TLE1: variants seen among roughly 807,000 people sequenced by gnomAD.
TLE1 encodes TLE family member 1, transcriptional corepressor.
TLE1 carries 21 observed loss-of-function variants against 89.8 expected under a neutral mutation model. That is an observed-to-expected ratio of 0.23 (90% confidence interval 0.17 to 0.34). The LOEUF is 0.34. Ranked by LOEUF, TLE1 falls within the 10% of genes least tolerant of loss-of-function variation. The pLI, the probability that TLE1 is intolerant of heterozygous loss-of-function variation, is 1.00. For missense variants in TLE1, 795 were observed against 1,031.2 expected (o/e 0.77, Z 3.14); for synonymous variants, 447 against 407.6 (o/e 1.10, Z -1.16).
At chr9:81,662,043 A>G (rs938034604) in intron 4 of TLE1, among the ~76,000 whole-genome samples, 1 of 152,216 alleles carries the variant, frequency 6.6e-6, no homozygotes, top group Non-Finnish European at 1.5e-5. Flanking sequence ...TCCTAAGGAA[A>G]TAGTTCAAAT....
Position 81,583,926 on chromosome 9 carries a change from C to A in TLE1, c.*272G>T. The A allele has an allele frequency of 2.4e-6, 1 of 414,810 alleles. No homozygotes were observed. The highest frequency in any genetic ancestry group is 4.4e-6 in the Non-Finnish European group (1 of 226,224). The allele number at this position is 414,810 out of a possible 1,614,324, so 25.7% of individuals were successfully genotyped here. A position where few individuals can be genotyped will look rare whatever the true frequency, so the allele number is the denominator to read the frequency against. ...CACCCAGAAAGAAAGAATGGGCTGT[C>A]ATGTGAGTCGGCAGATTCCGTTCCT... On this transcript the variant is annotated 3_prime_UTR_variant, in exon 20 of 20. Transcript: ENST00000376499.
intron 3 of TLE1, 22 bp from the exon 4 acceptor site, chr9:81,685,742 A>C: frequency 6.2e-7 from 1 of 1,612,630 alleles, no homozygotes; most frequent in South Asian, 1.1e-5. Flanking sequence ...AAAAAGAATC[A>C]AGCATTTCAT....
rs765729050 is a variant in TLE1, at chr9:81,591,009, C to A, written c.1625G>T (p.Gly542Val). Residue 542 changes from glycine (G) to valine (V), a missense_variant, in exon 16 of 20, where the codon GGC becomes GTC. Physicochemically the swap from Gly to Val is moderately radical, Grantham distance 109. Coordinates refer to ENST00000376499, the MANE Select transcript of TLE1 (RefSeq NM_005077.5). Reference protein sequence around the residue: ...YIRSCKLLPDGCTLIVGGEAS... With the variant: ...YIRSCKLLPDVCTLIVGGEAS... ...TTCCCCTCCCACTATGAGAGTGCAG[C>A]CATCGGGTAGCAATTTACAGGAACG... The A allele has an allele frequency of 1.9e-6, 3 of 1,614,214 alleles. No homozygotes were observed. The highest frequency in any genetic ancestry group is 2.5e-6 in the Non-Finnish European group (3 of 1,180,042).
intron 4 of TLE1, among the ~76,000 whole-genome samples, chr9:81,679,102 T>G (rs912320902): frequency 6.6e-6 from 1 of 152,156 alleles, no homozygotes; most frequent in African/African-American, 2.4e-5. Context: ...GAACCAAGAT[T>G]GCGCTACTAT....
chr9:81,594,783 C>G (rs1403110893), intron 14 of TLE1, among the ~76,000 whole-genome samples: 1 of 152,118 alleles, frequency 6.6e-6, no homozygotes, highest in Non-Finnish European at 1.5e-5. Flanking sequence ...CATTTTAATA[C>G]AAACTCAAAT....
Position 81,633,280 on chromosome 9 carries a change from A to C in TLE1, c.594+68T>G, listed in dbSNP as rs1826911139. The C allele has an allele frequency of 5.0e-6, 8 of 1,591,514 alleles. No individual in the cohort carries two copies. In the South Asian group the frequency reaches 9.0e-5, roughly 18 times the overall value. On this transcript the variant is annotated intron_variant, in intron 8 of 19. Coordinates refer to ENST00000376499, the MANE Select transcript of TLE1 (RefSeq NM_005077.5). ...TGCCTGTGTGGAGAAGTGTTGTCAG[A>C]AGGGGACCGTGTGTGTGTGTGTGTG... is the stretch of plus-strand genomic sequence containing the variant.
intron 14 of TLE1, among the ~76,000 whole-genome samples, chr9:81,602,114 T>C (rs931050468): frequency 6.6e-6 from 1 of 152,122 alleles, no homozygotes; most frequent in Non-Finnish European, 1.5e-5. Flanking sequence ...CAAGTGGGCT[T>C]TGAAGGACAG....
chr9:81,652,114 C>A, intron 6 of TLE1, 100 bp downstream of exon 6: 1 of 1,094,680 alleles, frequency 9.1e-7, no homozygotes, highest in Non-Finnish European at 1.4e-6. Context: ...GATACACACA[C>A]ACACACACAC....
At chr9:81,681,065 G>T (rs777429903) in intron 4 of TLE1, among the ~76,000 whole-genome samples, 1 of 152,016 alleles carries the variant, frequency 6.6e-6, no homozygotes, top group Admixed American at 6.6e-5. Flanking sequence ...AAAGAACAAC[G>T]CATTTTTCTA....
Position 81,585,116 on chromosome 9 carries a change from T to C in TLE1, c.2128+389A>G, listed in dbSNP as rs554421105. 2.4e-3 allele frequency among the ~76,000 whole-genome samples: 368 copies of C among 152,278 alleles called. 1 individual carries two copies. The highest frequency in any genetic ancestry group is 8.3e-3 in the African/African-American group (345 of 41,572). Reference sequence around the variant, plus strand: ...AGTAGAGTGTAACTAAGTGTCTGCGTATACCTAAATATCGACTTCTCTAAC... The same window carrying C: ...AGTAGAGTGTAACTAAGTGTCTGCGCATACCTAAATATCGACTTCTCTAAC... On this transcript the variant is annotated intron_variant, in intron 18 of 19. Coordinates refer to ENST00000376499, the MANE Select transcript of TLE1 (RefSeq NM_005077.5).
chr9:81,687,924 C>A (rs1201831671), intron 1 of TLE1, among the ~76,000 whole-genome samples: 1 of 152,096 alleles, frequency 6.6e-6, no homozygotes, highest in Non-Finnish European at 1.5e-5. Context: ...GCCCTGCCCC[C>A]ACTCGGGGAA....
At chr9:81,607,501 G>A (rs779752447) in intron 14 of TLE1, among the ~76,000 whole-genome samples, 3 of 152,076 alleles carry the variant, frequency 2.0e-5, no homozygotes, top group African/African-American at 2.4e-5. Flanking sequence ...CACACGCCCC[G>A]TACCTCTAAC....
intron 12 of TLE1, among the ~76,000 whole-genome samples, chr9:81,612,757 T>C (rs903810977): frequency 1.3e-5 from 2 of 152,158 alleles, no homozygotes; most frequent in East Asian, 1.9e-4. Flanking sequence ...AGGATTTGAA[T>C]TATTTAAAAC....
At position 81,654,034 on chromosome 9, in the gene TLE1, A is replaced by G. The variant is rs771286660; in HGVS notation, c.237T>C (p.Thr79=). Residue 79 remains threonine (T), a splice_region_variant and synonymous_variant, in exon 5 of 20, where the codon ACT becomes ACC. Transcript: ENST00000376499. ...TCGTATTCAATCTCTTGGCGATTTC[A>G]GTCTATAAAGACAAAGCCACACAAA... ...YGLNIEMHKQ[T]EIAKRLNTIC... 3 of 1,613,858 alleles carry G rather than the reference A, an allele frequency of 1.9e-6. No individual in the cohort carries two copies. Among genetic ancestry groups the G allele is most frequent in the African/African-American group, 2.7e-5 (2 of 74,932 alleles).
intron 6 of TLE1, among the ~76,000 whole-genome samples, chr9:81,647,350 T>G (rs1828985703): frequency 6.6e-6 from 1 of 152,234 alleles, no homozygotes; most frequent in Admixed American, 6.5e-5. Flanking sequence ...ACGTTTTTGC[T>G]CTCAATTCTG....
chr9:81,626,101 A>T (rs183854759), intron 8 of TLE1, among the ~76,000 whole-genome samples: 1 of 152,174 alleles, frequency 6.6e-6, no homozygotes, highest in African/African-American at 2.4e-5. Context: ...CAAAAGCAAG[A>T]CAGGTTTCCC....
At chr9:81,588,152 G>C (rs1828874851) in intron 16 of TLE1, among the ~76,000 whole-genome samples, 1 of 152,176 alleles carries the variant, frequency 6.6e-6, no homozygotes, top group Admixed American at 6.5e-5. Context: ...GTCTGGAAAA[G>C]TGTTTAATTG....
chr9:81,688,659 C>A lies in TLE1; in HGVS notation c.-419G>T. Reference sequence around the variant, plus strand: ...TCCTGGGCAAACAAATCCAGACGGACTGCTTTTCTTTGCTCTTCTCCTGGT... The same window carrying A: ...TCCTGGGCAAACAAATCCAGACGGAATGCTTTTCTTTGCTCTTCTCCTGGT... On this transcript the variant is annotated 5_prime_UTR_variant, in exon 1 of 20. Coordinates refer to ENST00000376499, the MANE Select transcript of TLE1 (RefSeq NM_005077.5). 1 of 180,526 alleles carries A rather than the reference C, an allele frequency of 5.5e-6. No individual in the cohort carries two copies. The highest frequency in any genetic ancestry group is 1.1e-5 in the Non-Finnish European group (1 of 87,222). The allele number at this position is 180,526 out of a possible 1,614,324, so 11.2% of individuals were successfully genotyped here. A position where few individuals can be genotyped will look rare whatever the true frequency, so the allele number is the denominator to read the frequency against.
Position 81,688,313 on chromosome 9 carries a change from C to A in TLE1, c.-73G>T, listed in dbSNP as rs369345680. The A allele has an allele frequency of 6.8e-4, 975 of 1,436,928 alleles. No homozygotes were observed. Among genetic ancestry groups the A allele is most frequent in the South Asian group, 1.4e-3 (99 of 72,036 alleles). 89.0% of individuals were successfully genotyped at this position (1,436,928 alleles called of 1,614,324 possible). A position where few individuals can be genotyped will look rare whatever the true frequency, so the allele number is the denominator to read the frequency against. On this transcript the variant is annotated 5_prime_UTR_variant, in exon 1 of 20. Transcript: ENST00000376499. Reference sequence around the variant, plus strand: ...GGTCAATTTCCAACTTTAATCCCGCCGAGGAAAATTAAGCCGGAAAGCCAA... The same window carrying A: ...GGTCAATTTCCAACTTTAATCCCGCAGAGGAAAATTAAGCCGGAAAGCCAA...
Sources: gnomAD v4.1 joint callset for allele counts (sites outside exome capture counted in the v4.1 genomes callset) on GRCh38, gnomAD v4.1.1 for gene constraint, MANE v1.5 for transcripts, NCBI Gene and HGNC (gene_info 2026-07-23, HGNC 2026-07-21) for gene names.